Variants in WWOX observed in about 807,000 individuals in gnomAD.
The protein encoded by WWOX is WW domain-containing oxidoreductase.
A neutral mutation model predicts 46.2 loss-of-function variants in WWOX; 69 were observed. The ratio of observed to expected loss-of-function variants is 1.49; its 90% CI spans 1.23 to 1.82. The LOEUF is 1.82. WWOX is among the 40% of genes most tolerant of loss of function. The probability of loss-of-function intolerance (pLI) is 0.00; values close to 1 mark genes in which losing one functional copy is unlikely to be tolerated. For synonymous variants in WWOX, 359 were observed against 202.6 expected, an observed-to-expected ratio of 1.77 and a Z score of -6.56; for missense variants, 919 against 542.6, an observed-to-expected ratio of 1.69 and a Z score of -6.89.
At chr16:78,552,816 T>A (rs527973448) in intron 8 of WWOX, 1 of 152,354 alleles carries the variant, frequency 6.6e-6, no homozygotes, top group Admixed American at 6.5e-5. Flanking sequence ...TTTTAACAGG[T>A]TTTATTCTTA....
chr16:79,139,062 A>G (rs144854229), intron 8 of WWOX, among the ~76,000 whole-genome samples: 75 of 152,308 alleles, frequency 4.9e-4, no homozygotes, highest in African/African-American at 1.7e-3. Context: ...GTCCCCCCTC[A>G]GCGTTCACAC....
chr16:78,722,650 A>C (rs555587188), intron 8 of WWOX, among the ~76,000 whole-genome samples: 165 of 151,708 alleles, frequency 1.1e-3, no homozygotes, highest in African/African-American at 3.8e-3. Context: ...CAAGAGTAGA[A>C]GAGGGATGTA....
intron 8 of WWOX, among the ~76,000 whole-genome samples, chr16:78,814,220 A>T (rs972030757): frequency 6.6e-6 from 1 of 152,156 alleles, no homozygotes; most frequent in Non-Finnish European, 1.5e-5. Flanking sequence ...TTTTGGCAAA[A>T]ATGTGCCTCC....
At chr16:79,116,171 C>G (rs2049511967) in intron 8 of WWOX, among the ~76,000 whole-genome samples, 1 of 152,142 alleles carries the variant, frequency 6.6e-6, no homozygotes, top group Admixed American at 6.6e-5. Context: ...AGGGTCTTGC[C>G]TTGATGTTGA....
At chr16:78,815,076 A>T (rs1025506117) in intron 8 of WWOX, among the ~76,000 whole-genome samples, 2 of 152,120 alleles carry the variant, frequency 1.3e-5, no homozygotes, top group Non-Finnish European at 2.9e-5. Flanking sequence ...TGTAATCCCA[A>T]CACTTCGGGA....
intron 8 of WWOX, among the ~76,000 whole-genome samples, chr16:79,111,665 C>T (rs2049418984): frequency 6.6e-6 from 1 of 152,122 alleles, no homozygotes; most frequent in Admixed American, 6.5e-5. Flanking sequence ...GTAGGTAATT[C>T]TGGAGGCAAA....
intron 8 of WWOX, among the ~76,000 whole-genome samples, chr16:78,876,413 G>C (rs372644246): frequency 6.6e-6 from 1 of 151,160 alleles, no homozygotes; most frequent in Non-Finnish European, 1.5e-5. Flanking sequence ...TGTTATGACA[G>C]AAACTCACCA....
At chr16:78,457,567 A>G (rs116428779) in intron 8 of WWOX, among the ~76,000 whole-genome samples, 176 of 152,112 alleles carry the variant, frequency 1.2e-3, no homozygotes, top group African/African-American at 4.0e-3. Context: ...AGCCGTTTTT[A>G]TAAGACTCTG....
At chr16:79,152,213 A>T (rs1314343485) in intron 8 of WWOX, among the ~76,000 whole-genome samples, 2 of 152,164 alleles carry the variant, frequency 1.3e-5, no homozygotes, top group African/African-American at 4.8e-5. Context: ...GAGGAGCGGG[A>T]TTCGCTGACC....
At chr16:79,015,603 TC>T (rs1299897225) in intron 8 of WWOX, among the ~76,000 whole-genome samples, 1 of 152,140 alleles carries the variant, frequency 6.6e-6, no homozygotes, top group Non-Finnish European at 1.5e-5. Context: ...GGTTCCATAT[TC>T]ATATCTGCAA....
intron 5 of WWOX, among the ~76,000 whole-genome samples, chr16:78,336,738 C>T (rs1019955194): frequency 8.5e-5 from 13 of 152,052 alleles, no homozygotes; most frequent in Admixed American, 2.0e-4. Flanking sequence ...AAAGTTTTGG[C>T]TTATAAAAAT....
chr16:79,025,577 A>G (rs1242177203), intron 8 of WWOX, among the ~76,000 whole-genome samples: 1 of 152,056 alleles, frequency 6.6e-6, no homozygotes, highest in African/African-American at 2.4e-5. Flanking sequence ...GAGGGGCACA[A>G]ATAGGTTCTC....
chr16:78,563,579 A>T (rs1351715455), intron 8 of WWOX, among the ~76,000 whole-genome samples: 1 of 141,604 alleles, frequency 7.1e-6, no homozygotes, highest in Non-Finnish European at 1.5e-5. Flanking sequence ...GTAGATTTTT[A>T]GAACCAAATG....
At chr16:78,824,817 G>A (rs550796350) in intron 8 of WWOX, among the ~76,000 whole-genome samples, 1 of 152,268 alleles carries the variant, frequency 6.6e-6, no homozygotes, top group Admixed American at 6.5e-5. Flanking sequence ...TTCAAGTTGA[G>A]ATTTGGGTGG....
At chr16:79,111,862 G>C (rs191429851) in intron 8 of WWOX, among the ~76,000 whole-genome samples, 2 of 152,276 alleles carry the variant, frequency 1.3e-5, no homozygotes, top group African/African-American at 4.8e-5. Flanking sequence ...TTATGTAACA[G>C]ACTCCATCCT....
intron 5 of WWOX, among the ~76,000 whole-genome samples, chr16:78,183,653 A>C (rs2035604101): frequency 6.6e-6 from 1 of 152,168 alleles, no homozygotes; most frequent in Non-Finnish European, 1.5e-5. Context: ...AACACCTGCC[A>C]AGTACCACTC....
chr16:78,417,125 A>G (rs988446302), intron 6 of WWOX, among the ~76,000 whole-genome samples: 1 of 151,538 alleles, frequency 6.6e-6, no homozygotes, highest in Non-Finnish European at 1.5e-5. Context: ...CAGGCTGGAG[A>G]TCAGTGGGGT....
intron 8 of WWOX, among the ~76,000 whole-genome samples, chr16:79,076,946 A>T (rs1003454398): frequency 4.6e-5 from 7 of 152,186 alleles, no homozygotes; most frequent in African/African-American, 1.2e-4. Context: ...TGGTATTATT[A>T]TTCTTATTTT....
intron 8 of WWOX, among the ~76,000 whole-genome samples, chr16:78,945,661 G>A (rs1331276293): frequency 1.3e-5 from 2 of 151,732 alleles, no homozygotes; most frequent in Non-Finnish European, 2.9e-5. Flanking sequence ...TTTTAAGTTG[G>A]CATCTTTTTT....
Sources: gnomAD v4.1 joint callset for allele counts (sites outside exome capture counted in the v4.1 genomes callset) on GRCh38, gnomAD v4.1.1 for gene constraint, MANE v1.5 for transcripts, NCBI Gene and HGNC (gene_info 2026-07-23, HGNC 2026-07-21) for gene names.